SCFD2: variants seen among roughly 807,000 people sequenced by gnomAD.
The protein encoded by SCFD2 is sec1 family domain-containing protein 2.
SCFD2 carries 54 observed loss-of-function variants against 58.9 expected under a neutral mutation model. The ratio of observed to expected loss-of-function variants is 0.92; its 90% CI spans 0.74 to 1.15. SCFD2 has a LOEUF of 1.15. SCFD2 is among the 50% of genes most tolerant of loss of function. The pLI, the probability that SCFD2 is intolerant of heterozygous loss-of-function variation, is 0.00. For missense variants in SCFD2, 805 were observed against 836.6 expected (o/e 0.96, Z 0.47); for synonymous variants, 321 against 335.9 (o/e 0.96, Z 0.49).
chr4:52,940,333 A>G (rs1577843842), intron 5 of SCFD2, among the ~76,000 whole-genome samples: 1 of 152,282 alleles, frequency 6.6e-6, no homozygotes, highest in Non-Finnish European at 1.5e-5. Flanking sequence ...CTGCATTCTC[A>G]GTTTCACAGG....
chr4:52,948,334 G>A (rs898035854), intron 5 of SCFD2: 10 of 290,542 alleles, frequency 3.4e-5, no homozygotes, highest in Non-Finnish European at 5.6e-5. Flanking sequence ...CCCAAAGACC[G>A]GGAAGTAATG....
At chr4:53,112,014 A>C (rs1725186482) in intron 5 of SCFD2, among the ~76,000 whole-genome samples, 1 of 152,104 alleles carries the variant, frequency 6.6e-6, no homozygotes, top group Admixed American at 6.6e-5. Context: ...ACAACAACAA[A>C]TGAAGATCAT....
rs982447781 is a variant in SCFD2 at position 53,329,922 on chromosome 4, C to T, written c.1008-16159G>A. On this transcript the variant is annotated intron_variant, in intron 2 of 8. Transcript: ENST00000401642. ...TAAAGGAGCTGATGCAGCTGAAAAC[C>T]AAGGCTCGAGAACTACATGAAGAAT... is the stretch of plus-strand genomic sequence containing the variant. Among the ~76,000 whole-genome samples the T allele has an allele frequency of 2.7e-3, 411 of 151,920 alleles. 1 individual carries two copies. Among genetic ancestry groups the T allele is most frequent in the Middle Eastern group, 6.8e-3 (2 of 292 alleles).
chr4:52,916,095 C>G (rs182129107), intron 6 of SCFD2, among the ~76,000 whole-genome samples: 1 of 152,196 alleles, frequency 6.6e-6, no homozygotes, highest in Non-Finnish European at 1.5e-5. Flanking sequence ...GCAAGCCATG[C>G]GAGAGCCATA....
At chr4:52,927,849 A>G (rs1719897993) in intron 5 of SCFD2, among the ~76,000 whole-genome samples, 1 of 152,210 alleles carries the variant, frequency 6.6e-6, no homozygotes. Context: ...GGTCAGGTGG[A>G]GGCTGGTTTA....
intron 4 of SCFD2, among the ~76,000 whole-genome samples, chr4:53,206,784 T>C (rs4515222): frequency 0.69 from 104,961 of 151,898 alleles, 36,590 homozygotes; most frequent in Middle Eastern, 0.78. Context: ...TTTACCATCC[T>C]ACACTACTGT....
chr4:53,268,313 G>C (rs1185893313), intron 4 of SCFD2, among the ~76,000 whole-genome samples: 1 of 152,256 alleles, frequency 6.6e-6, no homozygotes, highest in South Asian at 2.1e-4. Context: ...ATCACAACCT[G>C]AGCAAGATAA....
chr4:53,143,795 TACACACACACACAC>T (rs113492027), intron 5 of SCFD2, among the ~76,000 whole-genome samples: 1 of 146,660 alleles, frequency 6.8e-6, no homozygotes, highest in African/African-American at 2.5e-5. Flanking sequence ...CACCTAAACA[TACACACACACACAC>T]ACACACACAC....
At chr4:53,179,943 A>G (rs1727486677) in intron 4 of SCFD2, among the ~76,000 whole-genome samples, 1 of 152,264 alleles carries the variant, frequency 6.6e-6, no homozygotes, top group Non-Finnish European at 1.5e-5. Flanking sequence ...TTCAACAAGA[A>G]GAGCTAACCA....
chr4:53,335,194 C>CAAAAAAAAAAAAAAAAAA (rs56344451), intron 2 of SCFD2, among the ~76,000 whole-genome samples: 8 of 80,540 alleles, frequency 9.9e-5, no homozygotes, highest in South Asian at 5.1e-4. Context: ...GACTCCGTCT[C>CAAAAAAAAAAAAAAAAAA]AAAAAAAAAA....
At chr4:52,934,186 C>G in intron 5 of SCFD2, among the ~76,000 whole-genome samples, 1 of 152,230 alleles carries the variant, frequency 6.6e-6, no homozygotes, top group East Asian at 1.9e-4. Context: ...TTTTCCCACA[C>G]TAGCATACAA....
chr4:52,985,603 C>A (rs1487782564), intron 5 of SCFD2, among the ~76,000 whole-genome samples: 1 of 148,866 alleles, frequency 6.7e-6, no homozygotes, highest in African/African-American at 2.4e-5. Context: ...AGAAATCACA[C>A]CCCCAGACGT....
At chr4:53,225,409 T>C (rs1343058599) in intron 4 of SCFD2, among the ~76,000 whole-genome samples, 1 of 152,226 alleles carries the variant, frequency 6.6e-6, no homozygotes, top group African/African-American at 2.4e-5. Context: ...ATCTGTAAAA[T>C]GGCTGGCCAC....
chr4:53,104,464 A>T (rs1724927226), intron 5 of SCFD2, among the ~76,000 whole-genome samples: 1 of 152,228 alleles, frequency 6.6e-6, no homozygotes, highest in African/African-American at 2.4e-5. Flanking sequence ...GCCAAAGGTG[A>T]CGTGATGAGT....
At chr4:53,105,087 G>A (rs1041203287) in intron 5 of SCFD2, among the ~76,000 whole-genome samples, 18 of 152,154 alleles carry the variant, frequency 1.2e-4, no homozygotes, top group African/African-American at 2.7e-4. Flanking sequence ...GCAAGCGGTC[G>A]GGGAACTCCC....
At chr4:53,004,597 A>T (rs1020394929) in intron 5 of SCFD2, among the ~76,000 whole-genome samples, 2 of 152,212 alleles carry the variant, frequency 1.3e-5, no homozygotes, top group Admixed American at 6.5e-5. Flanking sequence ...CACACAGCTA[A>T]GTAGTAAGTG....
chr4:53,237,936 C>T (rs1314820223), intron 4 of SCFD2, among the ~76,000 whole-genome samples: 5 of 120,200 alleles, frequency 4.2e-5, no homozygotes, highest in Admixed American at 1.5e-4. Context: ...CCGGACGGGG[C>T]GGCTGGCCGG....
In SCFD2 at chr4:53,133,220, CGG is replaced by C. The variant is rs983013460; in HGVS notation, c.1561+12111_1561+12112del. On this transcript the variant is annotated intron_variant, in intron 5 of 8. Coordinates refer to ENST00000401642, the MANE Select transcript of SCFD2 (RefSeq NM_152540.4). ...GCGGGTGCCTGTAGTCCCAGCTACTCGGGAGGCTGAAGCAGGAGAATGGCGTG... is the reference window on the plus strand; with the variant it reads ...GCGGGTGCCTGTAGTCCCAGCTACTCGAGGCTGAAGCAGGAGAATGGCGTG... 5.4e-4 allele frequency among the ~76,000 whole-genome samples: 81 copies of C among 149,638 alleles called. 1 individual carries two copies. In the South Asian group the frequency reaches 0.017, roughly 32 times the overall value.
At chr4:52,941,073 T>A (rs1720280528) in intron 5 of SCFD2, among the ~76,000 whole-genome samples, 1 of 146,118 alleles carries the variant, frequency 6.8e-6, no homozygotes, top group African/African-American at 2.8e-5. Flanking sequence ...TAAAAAACCA[T>A]GCTAAATCCT....
Sources: allele counts gnomAD v4.1 joint callset (sites outside exome capture counted in the v4.1 genomes callset), GRCh38; gene constraint gnomAD v4.1.1; transcripts MANE v1.5; gene names NCBI Gene and HGNC (gene_info 2026-07-23, HGNC 2026-07-21).